The following DPY19L2 variants were observed in gnomAD, a reference collection of about 807,000 sequenced individuals.
DPY19L2 encodes probable C-mannosyltransferase DPY19L2.
DPY19L2 carries 34 observed loss-of-function variants against 97.9 expected under a neutral mutation model. The ratio of observed to expected loss-of-function variants is 0.35; its 90% CI spans 0.26 to 0.46. The LOEUF is 0.46. Ranked by LOEUF, DPY19L2 falls within the 20% of genes least tolerant of loss-of-function variation. The probability of loss-of-function intolerance (pLI) is 1.00; values close to 1 mark genes in which losing one functional copy is unlikely to be tolerated. For synonymous variants in DPY19L2, 230 were observed against 307.9 expected, an observed-to-expected ratio of 0.75 and a Z score of 2.65; for missense variants, 623 against 911.4, an observed-to-expected ratio of 0.68 and a Z score of 4.07.
At chr12:63,599,043 C>A (rs12229824) in intron 13 of DPY19L2, among the ~76,000 whole-genome samples, 89,282 of 151,330 alleles carry the variant, frequency 0.59, 26,930 homozygotes, top group African/African-American at 0.74. Context: ...TGTGGTGGCA[C>A]GTGCCTATAA....
chr12:63,591,118 C>T (rs1395984852), intron 16 of DPY19L2: 2 of 455,964 alleles, frequency 4.4e-6, no homozygotes, highest in Non-Finnish European at 8.8e-6. Flanking sequence ...TTTCCCTGTG[C>T]TCCATCTGTC....
At chr12:63,668,660 T>A, upstream of DPY19L2, 1 of 471,218 alleles carries the variant, frequency 2.1e-6, no homozygotes, top group South Asian at 2.5e-5. Flanking sequence ...GCGTGCAGCT[T>A]CCGGTGAGGG....
intron 6 of DPY19L2, among the ~76,000 whole-genome samples, chr12:63,633,014 G>A (rs1890990157): frequency 1.3e-5 from 2 of 152,254 alleles, no homozygotes; most frequent in South Asian, 4.1e-4. Flanking sequence ...CTAGCCATAT[G>A]TAGAAAGCTG....
rs977214625 is a variant in DPY19L2, at chr12:63,661,628, GT to G, written c.451-148del. On this transcript the variant is annotated intron_variant, in intron 3 of 21. Transcript: ENST00000324472. Reference sequence around the variant, plus strand: ...CACTTCTCGCTATTTTGCATTCTTGGTTTTTAAAGAACACGTATTTTCAGGT... The same window carrying G: ...CACTTCTCGCTATTTTGCATTCTTGGTTTTAAAGAACACGTATTTTCAGGT... 5 of 617,914 alleles carry G rather than the reference GT, an allele frequency of 8.1e-6. No individual in the cohort carries two copies. The African/African-American group carries it at 9.8e-5, about 12-fold the overall frequency. 38.3% of individuals were successfully genotyped at this position (617,914 alleles called of 1,614,324 possible).
chr12:63,621,410 C>T, intron 8 of DPY19L2, 73 bp from the exon 9 acceptor site: 4 of 735,152 alleles, frequency 5.4e-6, no homozygotes, highest in Non-Finnish European at 2.3e-6. Flanking sequence ...AGACTAATTG[C>T]AAAATGATAA....
chr12:63,621,269 C>T lies in DPY19L2; in HGVS notation c.1022G>A (p.Trp341Ter), dbSNP rs915043389. The T allele has an allele frequency of 2.4e-5, 27 of 1,125,148 alleles. No individual in the cohort carries two copies. The highest frequency in any genetic ancestry group is 3.3e-5 in the Non-Finnish European group (25 of 763,070). 69.7% of individuals were successfully genotyped at this position (1,125,148 alleles called of 1,614,324 possible). The change falls in exon 9 of 22, where the codon TGG (tryptophan) becomes TAG (stop). Residue 341 changes from tryptophan to a stop codon, truncating the protein, a stop_gained. Transcript: ENST00000324472. LOFTEE classifies it high-confidence loss of function. ...AAAAAGTATAAACTGAGCAAATTGCCAGGGAAGCATAAAAGCAACATTGGA... is the reference window on the plus strand; with the variant it reads ...AAAAAGTATAAACTGAGCAAATTGCTAGGGAAGCATAAAAGCAACATTGGA... ...CLSNVAFMLP[W>*]QFAQFILFTQ...
intron 14 of DPY19L2, among the ~76,000 whole-genome samples, chr12:63,597,495 C>T (rs1183599608): frequency 6.6e-6 from 1 of 151,706 alleles, no homozygotes; most frequent in African/African-American, 2.4e-5. Flanking sequence ...TGAATGGTCC[C>T]ATATTTCCAA....
intron 19 of DPY19L2, among the ~76,000 whole-genome samples, chr12:63,573,349 C>T (rs1196732798): frequency 6.6e-6 from 1 of 151,536 alleles, no homozygotes; most frequent in Non-Finnish European, 1.5e-5. Context: ...ATTGATCAAG[C>T]AGAAGAAAGA....
chr12:63,569,886 G>A (rs957023555), intron 20 of DPY19L2, among the ~76,000 whole-genome samples: 3 of 152,154 alleles, frequency 2.0e-5, no homozygotes, highest in African/African-American at 7.2e-5. Context: ...TGATTTGACT[G>A]TAGTGGGAGT....
intron 4 of DPY19L2, among the ~76,000 whole-genome samples, chr12:63,658,095 C>T (rs375144278): frequency 6.6e-6 from 1 of 152,152 alleles, no homozygotes; most frequent in African/African-American, 2.4e-5. Context: ...CAGCTCTCTT[C>T]GTCACCAAAT....
At chr12:63,620,913 A>T (rs11175074) in intron 9 of DPY19L2, among the ~76,000 whole-genome samples, 45,054 of 151,728 alleles carry the variant, frequency 0.3, 7,644 homozygotes, top group African/African-American at 0.48. Flanking sequence ...TTGCAGGGAC[A>T]TGAATGGAGC....
In DPY19L2 at chr12:63,643,531, G is replaced by A. The variant is rs370926190; in HGVS notation, c.803+872C>T. Among the ~76,000 whole-genome samples, 18 of 152,098 alleles carry A rather than the reference G, an allele frequency of 1.2e-4. 1 individual carries two copies. The East Asian group carries it at 1.9e-3, about 16-fold the overall frequency. On this transcript the variant is annotated intron_variant, in intron 6 of 21. Coordinates refer to ENST00000324472, the MANE Select transcript of DPY19L2 (RefSeq NM_173812.5). ...AACCTGATGATTCAGCTAGGAATGC[G>A]CTCCACTGAAAGAAACAGAAAACCT...
chr12:63,647,185 A>T, intron 5 of DPY19L2, 60 bp downstream of exon 5: 1 of 1,186,032 alleles, frequency 8.4e-7, no homozygotes, highest in Non-Finnish European at 1.1e-6. Flanking sequence ...AAAGTGAATC[A>T]TAATATTATT....
intron 4 of DPY19L2, among the ~76,000 whole-genome samples, chr12:63,649,629 A>T (rs1479448751): frequency 2.6e-5 from 4 of 152,156 alleles, no homozygotes; most frequent in African/African-American, 9.7e-5. Context: ...TTTAACCAAG[A>T]AGAAATGAAA....
chr12:63,591,644 C>A (rs1362788665), intron 16 of DPY19L2, among the ~76,000 whole-genome samples: 1 of 151,776 alleles, frequency 6.6e-6, no homozygotes, highest in Admixed American at 6.6e-5. Context: ...AAATGTTATA[C>A]AATAAATAGT....
At chr12:63,637,588 A>G (rs1442598917) in intron 6 of DPY19L2, among the ~76,000 whole-genome samples, 1 of 151,938 alleles carries the variant, frequency 6.6e-6, no homozygotes, top group East Asian at 1.9e-4. Flanking sequence ...AAACACCTCT[A>G]CTATAAACTA....
intron 1 of DPY19L2, among the ~76,000 whole-genome samples, chr12:63,667,366 C>G (rs1178403264): frequency 5.3e-5 from 8 of 151,966 alleles, no homozygotes; most frequent in African/African-American, 4.8e-5. Context: ...CAAAATCTTT[C>G]TGTGTCTCTC....
At chr12:63,617,498 G>T (rs1888047715) in intron 10 of DPY19L2, 108 bp from the exon 11 acceptor site, 4 of 669,204 alleles carry the variant, frequency 6.0e-6, no homozygotes, top group Non-Finnish European at 9.9e-6. Flanking sequence ...GCATAAAGAT[G>T]AATGACTCTT....
Position 63,597,898 on chromosome 12 carries a change from C to T in DPY19L2, c.1372G>A (p.Asp458Asn). The change falls in exon 14 of 22, where the codon GAT (aspartate) becomes AAT (asparagine). Residue 458 changes from aspartate to asparagine, a missense_variant. This residue lies in a region of DPY19L2 where 294 missense variants were observed against 446.2 expected (regional missense o/e 0.66). Coordinates refer to ENST00000324472, the MANE Select transcript of DPY19L2 (RefSeq NM_173812.5). ...LGVSDHIRLS[D>N]LIAARILRYT... ...CTTAAGATTCTGGCTGCTATAAGAT[C>T]ACTCAGGCGAATCTGGGAGAAAATA... 1 of 1,598,646 alleles carries T rather than the reference C, an allele frequency of 6.3e-7. No homozygotes were observed. The highest frequency in any genetic ancestry group is 8.5e-7 in the Non-Finnish European group (1 of 1,174,740).
Sources: allele counts gnomAD v4.1 joint callset (sites outside exome capture counted in the v4.1 genomes callset), GRCh38; gene constraint gnomAD v4.1.1; regional missense constraint gnomAD v4.1.1; transcripts MANE v1.5; gene names NCBI Gene and HGNC (gene_info 2026-07-23, HGNC 2026-07-21).